RELL1: variants seen among roughly 807,000 people sequenced by gnomAD.
The protein encoded by RELL1 is RELT-like protein 1.
In RELL1, 10 loss-of-function variants were observed where a neutral mutation model predicts 23.0. That is an observed-to-expected ratio of 0.43 (90% CI 0.27 to 0.74). The LOEUF is 0.74. Ranked by LOEUF, RELL1 falls within the 30% of genes least tolerant of loss-of-function variation. The pLI is 0.19. For missense variants in RELL1, 315 were observed against 364.4 expected, an observed-to-expected ratio of 0.86 and a Z score of 1.10; for synonymous variants, 146 against 146.8, an observed-to-expected ratio of 0.99 and a Z score of 0.04.
rs752721676 is a variant in RELL1 at position 37,686,332 on chromosome 4, G to T, written c.-45C>A. 7 of 1,419,092 alleles carry T rather than the reference G, an allele frequency of 4.9e-6. No homozygotes were observed. The highest frequency in any genetic ancestry group is 2.7e-5 in the South Asian group (2 of 73,168). The allele number at this position is 1,419,092 out of a possible 1,614,324, so 87.9% of individuals were successfully genotyped here. ...CCTCCCCCAGGGCGCCGCGTCCCGC[G>T]CTCGGGAAGGCAGAGCCGCTCCGGA... On this transcript the variant is annotated 5_prime_UTR_variant, in exon 1 of 7. Transcript: ENST00000454158.
chr4:37,632,461 T>C (rs1490557110), intron 5 of RELL1, among the ~76,000 whole-genome samples: 2 of 152,220 alleles, frequency 1.3e-5, no homozygotes, highest in East Asian at 1.9e-4. Flanking sequence ...TGAGCCACCA[T>C]GTCTGGCCTA....
At chr4:37,667,935 G>A (rs1721593606) in intron 1 of RELL1, among the ~76,000 whole-genome samples, 1 of 150,854 alleles carries the variant, frequency 6.6e-6, no homozygotes, top group South Asian at 2.1e-4. Context: ...CACCCACTTT[G>A]TCCAAAATGA....
chr4:37,596,737 T>TATATATATATATA lies in RELL1; in HGVS notation c.*4-5521_*4-5520insTATATATATATAT, dbSNP rs58665893. On this transcript the variant is annotated intron_variant, in intron 6 of 6. Coordinates refer to the RELL1 transcript ENST00000314117. Reference sequence around the variant, plus strand: ...ATATATATATATATATATATATATATTTTTTTTTTTTTTTTTTTTTTTTTT... The same window carrying TATATATATATATA: ...ATATATATATATATATATATATATATATATATATATATATTTTTTTTTTTTTTTTTTTTTTTTT... 5.7e-3 allele frequency among the ~76,000 whole-genome samples: 81 copies of TATATATATATATA among 14,322 alleles called. 2 individuals are homozygous for TATATATATATATA. The highest frequency in any genetic ancestry group is 0.011 in the East Asian group (3 of 280). 9.4% of individuals were successfully genotyped at this position (14,322 alleles called of 152,430 possible).
intron 1 of RELL1, among the ~76,000 whole-genome samples, chr4:37,653,200 T>C (rs1721009318): frequency 6.6e-6 from 1 of 152,206 alleles, no homozygotes; most frequent in Non-Finnish European, 1.5e-5. Flanking sequence ...CATGCTCACC[T>C]TATCTTAGGT....
downstream of RELL1, among the ~76,000 whole-genome samples, chr4:37,607,570 CT>C (rs1719260104): frequency 8.2e-6 from 1 of 121,478 alleles, no homozygotes; most frequent in Admixed American, 1.2e-4. Flanking sequence ...CAGCACTTTT[CT>C]TTCTTTTCTT....
At chr4:37,596,722 A>C (rs1560319792) in intron 6 of RELL1, among the ~76,000 whole-genome samples, 7 of 10,918 alleles carry the variant, frequency 6.4e-4, no homozygotes, top group Non-Finnish European at 2.0e-3. Flanking sequence ...ATATATATAT[A>C]TATATATATA....
intron 6 of RELL1, among the ~76,000 whole-genome samples, chr4:37,616,765 T>C (rs1006125295): frequency 6.6e-6 from 1 of 152,212 alleles, no homozygotes; most frequent in Non-Finnish European, 1.5e-5. Context: ...GATCAATCAC[T>C]AATAATCTGT....
At chr4:37,631,235 A>G in intron 6 of RELL1, 150 bp downstream of exon 6, 1 of 835,072 alleles carries the variant, frequency 1.2e-6, no homozygotes. Flanking sequence ...AATCATGTTC[A>G]GTCCCCCTCA....
chr4:37,612,441 G>C lies in RELL1; in HGVS notation c.*905C>G, dbSNP rs764582342. 7.5e-4 allele frequency among the ~76,000 whole-genome samples: 113 copies of C among 151,560 alleles called. No individual in the cohort carries two copies. Among genetic ancestry groups the C allele is most frequent in the African/African-American group, 2.7e-3 (110 of 41,234 alleles). On this transcript the variant is annotated 3_prime_UTR_variant, in exon 7 of 7. Transcript: ENST00000454158. Reference sequence around the variant, plus strand: ...GCCTGAGGTCAGGAGTTCAAGACCAGCCTGACCAATATAGTGATACCCCGT... The same window carrying C: ...GCCTGAGGTCAGGAGTTCAAGACCACCCTGACCAATATAGTGATACCCCGT...
intron 1 of RELL1, among the ~76,000 whole-genome samples, chr4:37,653,517 T>A (rs1721023689): frequency 1.3e-5 from 2 of 152,196 alleles, no homozygotes; most frequent in Admixed American, 1.3e-4. Flanking sequence ...AGATTGTTCC[T>A]GTGGATTTGA....
chr4:37,603,816 TTG>T lies in RELL1; in HGVS notation c.*4-12601_*4-12600del, dbSNP rs1257842721. 1.1e-3 allele frequency among the ~76,000 whole-genome samples: 174 copies of T among 152,080 alleles called. 3 individuals are homozygous for T. Among genetic ancestry groups the T allele is most frequent in the African/African-American group, 3.6e-3 (151 of 41,456 alleles). On this transcript the variant is annotated intron_variant, in intron 6 of 6. Coordinates refer to the RELL1 transcript ENST00000314117. ...CAGTGCTGGTTGCTTTTTTTTGTTG[TTG>T]TTGTTTGTTTGTTTGTTTGAGACAG... is the stretch of plus-strand genomic sequence containing the variant.
intron 6 of RELL1, among the ~76,000 whole-genome samples, chr4:37,603,150 A>G (rs749442597): frequency 7.2e-5 from 11 of 151,822 alleles, no homozygotes; most frequent in Non-Finnish European, 1.5e-4. Context: ...TACAGCACCA[A>G]CCCCCCAACG....
At chr4:37,637,722 T>C (rs959637564) in intron 4 of RELL1, among the ~76,000 whole-genome samples, 3 of 152,226 alleles carry the variant, frequency 2.0e-5, no homozygotes, top group Admixed American at 6.5e-5. Flanking sequence ...CAGCACACAG[T>C]AGGCATCCAA....
intron 1 of RELL1, among the ~76,000 whole-genome samples, chr4:37,658,180 C>A (rs1009144094): frequency 6.6e-6 from 1 of 152,002 alleles, no homozygotes; most frequent in African/African-American, 2.4e-5. Context: ...AAATAATGCA[C>A]AATGGCATTC....
intron 1 of RELL1, among the ~76,000 whole-genome samples, chr4:37,682,677 G>A (rs770228778): frequency 3.6e-4 from 55 of 152,282 alleles, no homozygotes; most frequent in Non-Finnish European, 5.9e-4. Flanking sequence ...AAGCTCCAAG[G>A]TGTGCTTTTT....
chr4:37,644,633 C>CTGT (rs1720646438), intron 3 of RELL1, among the ~76,000 whole-genome samples: 1 of 151,380 alleles, frequency 6.6e-6, no homozygotes, highest in African/African-American at 2.4e-5. Context: ...CTAATTTTTA[C>CTGT]ATTTTTAGTA....
intron 6 of RELL1, among the ~76,000 whole-genome samples, chr4:37,625,129 C>T (rs952174300): frequency 6.6e-6 from 1 of 152,132 alleles, no homozygotes; most frequent in African/African-American, 2.4e-5. Flanking sequence ...GTTTAAAACC[C>T]AGCTTTTAAT....
chr4:37,661,334 CA>C (rs1418688028), intron 1 of RELL1, among the ~76,000 whole-genome samples: 5 of 152,134 alleles, frequency 3.3e-5, no homozygotes, highest in Non-Finnish European at 7.4e-5. Context: ...CGCCAGAGTG[CA>C]GTAGCACAAT....
chr4:37,661,267 C>CTGTT (rs112180792), intron 1 of RELL1, among the ~76,000 whole-genome samples: 30,637 of 150,510 alleles, frequency 0.2, 3,376 homozygotes, highest in African/African-American at 0.27. Context: ...TAAGTTAATT[C>CTGTT]TGTTTGTTTG....
Sources: gnomAD v4.1 joint callset for allele counts (sites outside exome capture counted in the v4.1 genomes callset) on GRCh38, gnomAD v4.1.1 for gene constraint, MANE v1.5 for transcripts, NCBI Gene and HGNC (gene_info 2026-07-23, HGNC 2026-07-21) for gene names.